LRIF1: variants seen among roughly 807,000 people sequenced by gnomAD.
LRIF1 encodes ligand-dependent nuclear receptor-interacting factor 1.
LRIF1 carries 32 observed loss-of-function variants against 52.7 expected under a neutral mutation model. That is an observed-to-expected ratio of 0.61 (90% CI 0.46 to 0.82). The LOEUF (loss-of-function observed/expected upper bound fraction) is 0.82, where lower values mean the gene tolerates loss of function less well. LRIF1 is among the 40% of genes least tolerant of loss of function. The pLI is 0.00. For synonymous variants in LRIF1, 323 were observed against 317.4 expected, an observed-to-expected ratio of 1.02 and a Z score of -0.19; for missense variants, 887 against 892.0, an observed-to-expected ratio of 0.99 and a Z score of 0.07.
At chr1:110,945,798 T>G (rs1455371819), downstream of LRIF1, among the ~76,000 whole-genome samples, 3 of 152,204 alleles carry the variant, frequency 2.0e-5, no homozygotes, top group South Asian at 2.1e-4. Flanking sequence ...GAAGTGATGA[T>G]TCATGAAATT....
chr1:110,905,408 C>A, the LRIF1 span, among the ~76,000 whole-genome samples: 1 of 151,774 alleles, frequency 6.6e-6, no homozygotes, highest in Non-Finnish European at 1.5e-5. Flanking sequence ...AAACAAATAA[C>A]ATACAATGGA....
At chr1:110,944,277 T>C (rs1437084968), downstream of LRIF1, 1 of 152,190 alleles carries the variant, frequency 6.6e-6, no homozygotes, top group Non-Finnish European at 1.5e-5. Flanking sequence ...ACTGGTAGGA[T>C]GCGGTTGTCA....
chr1:110,961,326 G>A (rs1181415886), intron 1 of LRIF1, among the ~76,000 whole-genome samples: 1 of 152,182 alleles, frequency 6.6e-6, no homozygotes, highest in Non-Finnish European at 1.5e-5. Flanking sequence ...CTAAATGAAT[G>A]TTTTTTCATC....
chr1:110,950,075 T>C lies in LRIF1; in HGVS notation c.1645A>G (p.Asn549Asp). Residue 549 changes from asparagine (N) to aspartate (D), a missense_variant, in exon 3 of 4, where the codon AAT becomes GAT. Asn to Asp is a conservative substitution (Grantham distance 23, BLOSUM62 1). Coordinates refer to ENST00000369763, the MANE Select transcript of LRIF1 (RefSeq NM_018372.4). Reference protein sequence around the residue: ...STSDKGAQGRNDKKDSQGRSN... With the variant: ...STSDKGAQGRDDKKDSQGRSN... ...CTTCCTTGAGAATCTTTCTTGTCAT[T>C]TCTTCCTTGGGCACCTTTATCTGAT... 2 of 1,613,970 alleles carry C rather than the reference T, an allele frequency of 1.2e-6. No homozygotes were observed. Among genetic ancestry groups the C allele is most frequent in the Non-Finnish European group, 1.7e-6 (2 of 1,179,988 alleles).
the LRIF1 span, among the ~76,000 whole-genome samples, chr1:110,913,993 G>A: frequency 7.2e-5 from 11 of 152,208 alleles, no homozygotes; most frequent in African/African-American, 1.7e-4. Context: ...CCTTTGCAGC[G>A]ACATGGATGC....
chr1:110,950,010 A>G lies in LRIF1; in HGVS notation c.1710T>C (p.Phe570=), dbSNP rs776704503. The stretch of plus-strand genomic sequence containing the variant: ...CCTTAGTAAGGCCAAATATCTTTTT[A>G]AATTCAGCATCACTCTTCAGATGTA... ...KALHLKSDAE[F]KKIFGLTKDL... The change falls in exon 3 of 4, where the codon TTT becomes TTC. Residue 570 remains phenylalanine (F), a synonymous_variant. Coordinates refer to ENST00000369763, the MANE Select transcript of LRIF1 (RefSeq NM_018372.4). The G allele has an allele frequency of 7.4e-6, 12 of 1,614,052 alleles. No individual in the cohort carries two copies. Among genetic ancestry groups the G allele is most frequent in the Non-Finnish European group, 1.0e-5 (12 of 1,180,022 alleles).
the LRIF1 span, chr1:110,937,027 A>C: frequency 2.0e-5 from 3 of 152,138 alleles, no homozygotes; most frequent in Non-Finnish European, 4.4e-5. Flanking sequence ...TCAATTCAGC[A>C]AGAGGATATA....
the LRIF1 span, chr1:110,892,670 G>C: frequency 2.7e-6 from 2 of 739,320 alleles, no homozygotes; most frequent in African/African-American, 3.5e-5. Context: ...GATCAGCCAA[G>C]TCTGCCCAGA....
chr1:110,945,915 A>G (rs1658194385), downstream of LRIF1, among the ~76,000 whole-genome samples: 1 of 152,170 alleles, frequency 6.6e-6, no homozygotes, highest in South Asian at 2.1e-4. Flanking sequence ...GGGAGAGCAA[A>G]ACCTGACTGA....
At chr1:110,894,367 C>G in the LRIF1 span, 13 of 1,613,890 alleles carry the variant, frequency 8.1e-6, no homozygotes, top group Non-Finnish European at 1.1e-5. Context: ...GCTGAGGTGA[C>G]CTTGGCCATC....
the LRIF1 span, chr1:110,938,582 A>T: frequency 1.3e-5 from 2 of 152,198 alleles, no homozygotes; most frequent in African/African-American, 4.8e-5. Flanking sequence ...GCCATATATG[A>T]TGGTCCCATA....
At chr1:110,962,209 T>A (rs1282037) in intron 1 of LRIF1, among the ~76,000 whole-genome samples, 150,540 of 152,260 alleles carry the variant, frequency 0.99, 74,437 homozygotes, top group Middle Eastern at 1. Context: ...AAAATAAGGC[T>A]GCAGAAATTA....
the LRIF1 span, among the ~76,000 whole-genome samples, chr1:110,905,577 G>A: frequency 2.0e-5 from 3 of 151,962 alleles, no homozygotes; most frequent in East Asian, 5.8e-4. Flanking sequence ...GACTTTCCCA[G>A]ACAAACAAAA....
the LRIF1 span, among the ~76,000 whole-genome samples, chr1:110,883,437 G>C: frequency 5.3e-5 from 8 of 151,808 alleles, no homozygotes; most frequent in Admixed American, 5.2e-4. Context: ...GTTCTATATC[G>C]TTAGATGCTT....
At chr1:110,899,051 G>A in the LRIF1 span, 1 of 1,136,736 alleles carries the variant, frequency 8.8e-7, no homozygotes, top group South Asian at 1.3e-5. Flanking sequence ...TTTTCTCAGA[G>A]GCCAATCCCA....
chr1:110,901,753 G>C, the LRIF1 span, among the ~76,000 whole-genome samples: 1 of 152,192 alleles, frequency 6.6e-6, no homozygotes, highest in Non-Finnish European at 1.5e-5. Flanking sequence ...TGGGATTATA[G>C]GCGTGAGGCA....
At chr1:110,950,198 T>C in intron 2 of LRIF1, 75 bp from the exon 3 acceptor site, 1 of 1,456,546 alleles carries the variant, frequency 6.9e-7, no homozygotes. Context: ...ACTAAGTGAT[T>C]ATTTCATCTT....
chr1:110,905,553 G>T, the LRIF1 span, among the ~76,000 whole-genome samples: 3 of 152,054 alleles, frequency 2.0e-5, no homozygotes, highest in Non-Finnish European at 4.4e-5. Flanking sequence ...CTTCAAAAAT[G>T]AAGGCAAAAT....
At chr1:110,901,477 C>CTT in the LRIF1 span, among the ~76,000 whole-genome samples, 50,872 of 115,682 alleles carry the variant, frequency 0.44, 12,975 homozygotes, top group Non-Finnish European at 0.52. Flanking sequence ...CGCACCCGGC[C>CTT]TTTTTTTTTT....
Sources: allele counts gnomAD v4.1 joint callset (sites outside exome capture counted in the v4.1 genomes callset), GRCh38; gene constraint gnomAD v4.1.1; transcripts MANE v1.5; gene names NCBI Gene and HGNC (gene_info 2026-07-23, HGNC 2026-07-21).